WNT9A: variants seen among roughly 807,000 people sequenced by gnomAD.
WNT9A encodes the protein Wnt family member 9A.
A neutral mutation model predicts 31.4 loss-of-function variants in WNT9A; 8 were observed. That is an observed-to-expected ratio of 0.26 (90% CI 0.15 to 0.46). The LOEUF is 0.46. WNT9A is among the 20% of genes least tolerant of loss of function. The pLI is 0.99. For synonymous variants in WNT9A, 236 were observed against 220.1 expected (o/e 1.07, Z -0.64); for missense variants, 457 against 522.9 (o/e 0.87, Z 1.23).
chr1:227,946,433 T>C (rs1262469024), intron 1 of WNT9A, among the ~76,000 whole-genome samples: 1 of 151,870 alleles, frequency 6.6e-6, no homozygotes, highest in Non-Finnish European at 1.5e-5. Flanking sequence ...CCACGGTGAG[T>C]CACCGCGGAC....
At chr1:227,935,734 T>C (rs1053685653) in intron 1 of WNT9A, among the ~76,000 whole-genome samples, 3 of 152,220 alleles carry the variant, frequency 2.0e-5, no homozygotes, top group Non-Finnish European at 4.4e-5. Context: ...TTCCTCTTTT[T>C]GGGTTTTTGT....
intron 2 of WNT9A, among the ~76,000 whole-genome samples, 192 bp from the exon 3 acceptor site, chr1:227,924,592 C>A (rs1443672685): frequency 1.3e-5 from 2 of 151,962 alleles, no homozygotes; most frequent in African/African-American, 4.8e-5. Flanking sequence ...GTGTCCCAGG[C>A]GCAGGGCTGG....
chr1:227,944,103 T>C (rs1440257925), intron 1 of WNT9A, among the ~76,000 whole-genome samples: 2 of 152,034 alleles, frequency 1.3e-5, no homozygotes, highest in African/African-American at 4.8e-5. Flanking sequence ...AGCAACATTA[T>C]CCATCATAGC....
At chr1:227,946,633 G>A (rs956422113) in intron 1 of WNT9A, among the ~76,000 whole-genome samples, 2 of 152,264 alleles carry the variant, frequency 1.3e-5, no homozygotes, top group South Asian at 2.1e-4. Context: ...ACAGAGAGAA[G>A]AAAGGGAGAG....
intron 1 of WNT9A, among the ~76,000 whole-genome samples, chr1:227,943,496 C>A (rs1666746940): frequency 6.6e-6 from 1 of 152,240 alleles, no homozygotes; most frequent in Non-Finnish European, 1.5e-5. Flanking sequence ...AGATGCTCAG[C>A]GCCACTGGCC....
intron 3 of WNT9A, among the ~76,000 whole-genome samples, chr1:227,923,765 G>A (rs577848993): frequency 6.6e-6 from 1 of 152,246 alleles, no homozygotes; most frequent in African/African-American, 2.4e-5. Flanking sequence ...TGACAAGCCT[G>A]CCAGCTGGCT....
At chr1:227,946,695 A>G (rs963740525) in intron 1 of WNT9A, among the ~76,000 whole-genome samples, 2 of 152,268 alleles carry the variant, frequency 1.3e-5, no homozygotes, top group Non-Finnish European at 2.9e-5. Flanking sequence ...ATTTTCTTTG[A>G]GAACAGGATA....
intron 3 of WNT9A, 102 bp from the exon 4 acceptor site, chr1:227,922,102 C>G: frequency 6.8e-7 from 1 of 1,477,102 alleles, no homozygotes; most frequent in Non-Finnish European, 8.9e-7. Flanking sequence ...ACACCCCCAC[C>G]CAGGCCCAGG....
intron 1 of WNT9A, 63 bp downstream of exon 1, chr1:227,947,730 C>T: frequency 1.5e-5 from 15 of 985,360 alleles, no homozygotes; most frequent in African/African-American, 1.7e-5. Flanking sequence ...GGACTCCGGA[C>T]GACCCCGCCC....
Position 227,921,425 on chromosome 1 carries a change from C to T in WNT9A, c.*93G>A, listed in dbSNP as rs980452260. On this transcript the variant is annotated 3_prime_UTR_variant, in exon 4 of 4. Transcript: ENST00000272164. ...CTGTACCCCACGCAGCTGGGCTGGT[C>T]GAGCCCAGGAACTCAGCCTGTGCAG... 5.5e-5 allele frequency: 84 copies of T among 1,522,384 alleles called. No homozygotes were observed. The South Asian group carries it at 9.6e-4, about 17-fold the overall frequency. The allele number at this position is 1,522,384 out of a possible 1,614,324, so 94.3% of individuals were successfully genotyped here.
chr1:227,944,655 C>A (rs1424519774), intron 1 of WNT9A, among the ~76,000 whole-genome samples: 1 of 152,212 alleles, frequency 6.6e-6, no homozygotes, highest in African/African-American at 2.4e-5. Context: ...GGCTCTGGGG[C>A]CACAGCCGGG....
intron 1 of WNT9A, among the ~76,000 whole-genome samples, chr1:227,943,940 C>T (rs1666754025): frequency 6.6e-6 from 1 of 152,268 alleles, no homozygotes; most frequent in Middle Eastern, 3.4e-3. Context: ...TTCATCACAT[C>T]GCTGCACTCT....
At chr1:227,934,637 C>A (rs1250633456) in intron 1 of WNT9A, among the ~76,000 whole-genome samples, 1 of 152,182 alleles carries the variant, frequency 6.6e-6, no homozygotes, top group African/African-American at 2.4e-5. Flanking sequence ...GTAGTTCTCT[C>A]TCTAGCTTCT....
intron 1 of WNT9A, among the ~76,000 whole-genome samples, chr1:227,939,723 G>C (rs1260173083): frequency 6.6e-6 from 1 of 151,862 alleles, no homozygotes; most frequent in Non-Finnish European, 1.5e-5. Flanking sequence ...CTGGGGCAGA[G>C]GGAGAAGAGA....
At chr1:227,922,550 G>C (rs1355692595) in intron 3 of WNT9A, among the ~76,000 whole-genome samples, 1 of 152,226 alleles carries the variant, frequency 6.6e-6, no homozygotes, top group Non-Finnish European at 1.5e-5. Context: ...TGGGGGGCCA[G>C]TGAAGGCACC....
At position 227,928,306 on chromosome 1, in the gene WNT9A, G is replaced by A. The variant is rs1290360597; in HGVS notation, c.96-2787C>T. Reference sequence around the variant, plus strand: ...GAGGCAACTCCCTAAACGCAGCTACGGGTGACTGACCCTGATCCAAGGCCA... The same window carrying A: ...GAGGCAACTCCCTAAACGCAGCTACAGGTGACTGACCCTGATCCAAGGCCA... On this transcript the variant is annotated intron_variant, in intron 1 of 3. Transcript: ENST00000272164. The surrounding 1 kb of genome is among the most constrained non-coding windows in gnomAD (Gnocchi z 4.5). 5.3e-5 allele frequency among the ~76,000 whole-genome samples: 8 copies of A among 151,938 alleles called. No individual in the cohort carries two copies. The highest frequency in any genetic ancestry group is 2.1e-4 in the South Asian group (1 of 4,816).
chr1:227,927,057 G>T (rs937968481), intron 1 of WNT9A, among the ~76,000 whole-genome samples: 2 of 152,106 alleles, frequency 1.3e-5, no homozygotes, highest in Admixed American at 1.3e-4. Flanking sequence ...TACCCTGCCC[G>T]GCCAAGCTGA....
intron 1 of WNT9A, among the ~76,000 whole-genome samples, chr1:227,927,599 G>A (rs1380607769): frequency 2.6e-5 from 4 of 152,162 alleles, no homozygotes; most frequent in Admixed American, 6.5e-5. Context: ...CACAGAGCAC[G>A]GCTAGGGCGG....
chr1:227,925,720 C>A lies in WNT9A; in HGVS notation c.96-201G>T, dbSNP rs752430545. Among the ~76,000 whole-genome samples the A allele has an allele frequency of 6.6e-6, 1 of 152,106 alleles. No homozygotes were observed. Among genetic ancestry groups the A allele is most frequent in the Non-Finnish European group, 1.5e-5 (1 of 67,992 alleles). On this transcript the variant is annotated intron_variant, in intron 1 of 3. Transcript: ENST00000272164. This position sits in a 1 kb window ranked among gnomAD's most constrained non-coding sequence, Gnocchi z 6.0. ...TGCACACCCATGGCCCCCACTCCAG[C>A]GAGCATGGTCTCAGTGACCACAGGG... is the stretch of plus-strand genomic sequence containing the variant.
Sources: gnomAD v4.1 joint callset for allele counts (sites outside exome capture counted in the v4.1 genomes callset) on GRCh38, gnomAD v4.1.1 for gene constraint, Gnocchi (gnomAD v3.1) non-coding constraint, MANE v1.5 for transcripts, NCBI Gene and HGNC (gene_info 2026-07-23, HGNC 2026-07-21) for gene names.